The following CEP63 variants were observed in gnomAD, a reference collection of about 807,000 sequenced individuals.
CEP63 encodes the protein centrosomal protein of 63 kDa.
CEP63 carries 84 observed loss-of-function variants against 89.1 expected under a neutral mutation model. The observed-to-expected ratio is 0.94, with a 90% CI of 0.79 to 1.13. The LOEUF (loss-of-function observed/expected upper bound fraction) is 1.13, where lower values mean the gene tolerates loss of function less well. CEP63 is among the 50% of genes most tolerant of loss of function. The pLI is 0.00. For missense variants in CEP63, 838 were observed against 813.3 expected (o/e 1.03, Z -0.37); for synonymous variants, 267 against 272.5 (o/e 0.98, Z 0.20).
chr3:134,733,724 AG>A, the CEP63 span, among the ~76,000 whole-genome samples: 1 of 151,020 alleles, frequency 6.6e-6, no homozygotes, highest in Non-Finnish European at 1.5e-5. Context: ...AGCTAGAAGG[AG>A]GTAAGGAAGG....
At chr3:134,529,868 ATTTTTT>A (rs58922185) in intron 3 of CEP63, among the ~76,000 whole-genome samples, 6 of 103,156 alleles carry the variant, frequency 5.8e-5, no homozygotes, top group South Asian at 3.3e-4. Flanking sequence ...AGGTTAAGAA[ATTTTTT>A]TTTTTTTTTT....
At chr3:134,565,977 C>G (rs993059775), downstream of CEP63, among the ~76,000 whole-genome samples, 2 of 152,118 alleles carry the variant, frequency 1.3e-5, no homozygotes, top group African/African-American at 4.8e-5. Context: ...TCAGAGGAAA[C>G]TGTTCTGAGA....
chr3:134,594,340 C>T, the CEP63 span, among the ~76,000 whole-genome samples: 464 of 152,296 alleles, frequency 3.0e-3, 4 homozygotes, highest in African/African-American at 0.01. Flanking sequence ...CCATAGCTGC[C>T]CCTGCCACCA....
intron 3 of CEP63, among the ~76,000 whole-genome samples, chr3:134,508,578 C>G (rs377331752): frequency 1.3e-5 from 2 of 152,068 alleles, no homozygotes; most frequent in South Asian, 2.1e-4. Context: ...TTGTTAGAAA[C>G]TCATTAAAGA....
intron 6 of CEP63, among the ~76,000 whole-genome samples, chr3:134,543,259 A>G (rs917700970): frequency 7.9e-5 from 12 of 152,146 alleles, no homozygotes; most frequent in African/African-American, 2.2e-4. Context: ...CTGAATTTGT[A>G]TTTTACGGTT....
At chr3:134,614,932 G>C in the CEP63 span, among the ~76,000 whole-genome samples, 441 of 152,318 alleles carry the variant, frequency 2.9e-3, 1 homozygote, top group African/African-American at 9.8e-3. Context: ...GAGGGAAAAA[G>C]GGAGGGAGTG....
rs756549291 is a variant in CEP63, at chr3:134,547,325, C to CT, written c.930-7dup. 199 of 1,611,904 alleles carry CT rather than the reference C, an allele frequency of 1.2e-4. No homozygotes were observed. The highest frequency in any genetic ancestry group is 1.6e-4 in the Non-Finnish European group (188 of 1,178,266). On this transcript the variant is annotated splice_polypyrimidine_tract_variant and intron_variant, in intron 8 of 14. Coordinates refer to ENST00000675561, the MANE Select transcript of CEP63 (RefSeq NM_001353108.3). ...AAAGGCGTTAACAATCATCCTATGT[C>CT]TTTCCATAGGCCACGGGAAGAATCT...
the CEP63 span, among the ~76,000 whole-genome samples, chr3:134,623,194 G>A: frequency 6.6e-6 from 1 of 152,130 alleles, no homozygotes; most frequent in African/African-American, 2.4e-5. Flanking sequence ...GCTTGCTCTG[G>A]CCACTCCCTG....
chr3:134,779,747 A>T, the CEP63 span: 1 of 152,208 alleles, frequency 6.6e-6, no homozygotes, highest in African/African-American at 2.4e-5. Context: ...GACAAAACCA[A>T]AATGTGGTGG....
chr3:134,631,351 T>G, the CEP63 span, among the ~76,000 whole-genome samples: 1 of 152,182 alleles, frequency 6.6e-6, no homozygotes, highest in African/African-American at 2.4e-5. Flanking sequence ...CCAAGAGAAT[T>G]TGGTACCAAC....
chr3:134,488,572 G>C (rs1936492854), intron 1 of CEP63, among the ~76,000 whole-genome samples: 1 of 152,062 alleles, frequency 6.6e-6, no homozygotes, highest in Non-Finnish European at 1.5e-5. Context: ...TCACACCATT[G>C]CTCTCCAGAC....
At chr3:134,677,963 A>G in the CEP63 span, among the ~76,000 whole-genome samples, 1 of 151,630 alleles carries the variant, frequency 6.6e-6, no homozygotes, top group Admixed American at 6.6e-5. Flanking sequence ...CTTTGTCTCC[A>G]GTCTTCTCCC....
chr3:134,658,522 T>C, the CEP63 span, among the ~76,000 whole-genome samples: 1 of 152,200 alleles, frequency 6.6e-6, no homozygotes, highest in Non-Finnish European at 1.5e-5. Flanking sequence ...CCCAACACTT[T>C]GTGCCTATGT....
intron 1 of CEP63, among the ~76,000 whole-genome samples, chr3:134,495,014 C>T (rs1001045711): frequency 1.3e-4 from 20 of 152,082 alleles, no homozygotes; most frequent in African/African-American, 4.1e-4. Context: ...CCTGCTCACC[C>T]GACATTAGGA....
chr3:134,651,670 A>T, the CEP63 span: 8 of 925,366 alleles, frequency 8.6e-6, no homozygotes, highest in African/African-American at 1.8e-5. Flanking sequence ...TTGAGTATCA[A>T]GCTAACGATC....
the CEP63 span, among the ~76,000 whole-genome samples, chr3:134,596,015 T>C: frequency 8.0e-6 from 1 of 125,184 alleles, no homozygotes; most frequent in African/African-American, 3.1e-5. Context: ...CAGGTTCTTC[T>C]GGGGCTTTAG....
At chr3:134,659,657 G>C in the CEP63 span, among the ~76,000 whole-genome samples, 6 of 152,222 alleles carry the variant, frequency 3.9e-5, no homozygotes, top group Non-Finnish European at 8.8e-5. Context: ...CCTAGTGGTG[G>C]GAGCCCCGAG....
chr3:134,488,877 G>A lies in CEP63; in HGVS notation c.-26+2675G>A, dbSNP rs145486393. Among the ~76,000 whole-genome samples the A allele has an allele frequency of 1.9e-4, 29 of 152,128 alleles. 1 individual carries two copies. The East Asian group carries it at 5.1e-3, about 27-fold the overall frequency. On this transcript the variant is annotated intron_variant, in intron 1 of 14. Coordinates refer to ENST00000675561, the MANE Select transcript of CEP63 (RefSeq NM_001353108.3). Reference sequence around the variant, plus strand: ...ATAAAATTAAAAATTCAGTTCCTAGGCTGGGCGCGGTGGCTCACGCCTGTA... The same window carrying A: ...ATAAAATTAAAAATTCAGTTCCTAGACTGGGCGCGGTGGCTCACGCCTGTA...
At chr3:134,581,483 G>A (rs1258522347) in intron 10 of CEP63, among the ~76,000 whole-genome samples, 3 of 122,534 alleles carry the variant, frequency 2.4e-5, no homozygotes, top group Non-Finnish European at 3.4e-5. Context: ...AGGAGGCTGA[G>A]GCAGGAGAAT....
Sources: allele counts gnomAD v4.1 joint callset (sites outside exome capture counted in the v4.1 genomes callset), GRCh38; gene constraint gnomAD v4.1.1; transcripts MANE v1.5; gene names NCBI Gene and HGNC (gene_info 2026-07-23, HGNC 2026-07-21).